The following ZNF469 variants were observed in gnomAD, a reference collection of about 807,000 sequenced individuals.
ZNF469 encodes zinc finger protein 469.
A neutral mutation model predicts 1.0 loss-of-function variants in ZNF469; 1 was observed. The observed-to-expected ratio is 1.00, with a 90% CI of 0.35 to 4.73. The LOEUF (loss-of-function observed/expected upper bound fraction) is 4.73. ZNF469 is among the 30% of genes most tolerant of loss of function. ZNF469 has a pLI of 0.16. For synonymous variants in ZNF469, 2,703 were observed against 2,363.4 expected (o/e 1.14, Z -4.17); for missense variants, 6,100 against 5,356.3 (o/e 1.14, Z -4.33).
At chr16:88,170,977 G>C in the ZNF469 span, among the ~76,000 whole-genome samples, 3 of 152,140 alleles carry the variant, frequency 2.0e-5, no homozygotes, top group Non-Finnish European at 2.9e-5. The surrounding 1 kb of genome is among the most constrained non-coding windows in gnomAD (Gnocchi z 4.2). Flanking sequence ...GCACAGGAGG[G>C]GAAGTGCATC....
Position 88,437,336 on chromosome 16 carries a change from A to G in ZNF469, c.9866A>G (p.Asp3289Gly). 6.5e-7 allele frequency: 1 copy of G among 1,545,838 alleles called. No individual in the cohort carries two copies. The highest frequency in any genetic ancestry group is 8.7e-7 in the Non-Finnish European group (1 of 1,144,842). Reference sequence around the variant, plus strand: ...AACCCAGACGGGGCCGCGACCCCAGACAGCGCCTCTGCCACCGCCCTGGCT... The same window carrying G: ...AACCCAGACGGGGCCGCGACCCCAGGCAGCGCCTCTGCCACCGCCCTGGCT... ...PSNPDGAATP[D>G]SASATALADA... Residue 3289 changes from aspartate to glycine, a missense_variant, in exon 3 of 3, where the codon GAC becomes GGC. By Grantham distance (94) the Asp-to-Gly change is moderately conservative (BLOSUM62 -1). Transcript: ENST00000565624.
the ZNF469 span, among the ~76,000 whole-genome samples, chr16:88,123,142 C>G: frequency 6.6e-6 from 1 of 152,152 alleles, no homozygotes; most frequent in Non-Finnish European, 1.5e-5. Flanking sequence ...AGCACCATCC[C>G]GAGACTACCC....
chr16:88,145,973 A>G, the ZNF469 span, among the ~76,000 whole-genome samples: 2 of 152,350 alleles, frequency 1.3e-5, no homozygotes, highest in East Asian at 1.9e-4. Context: ...CCGGCCTCGC[A>G]GTCCCGTGTT....
At chr16:88,155,666 C>T in the ZNF469 span, among the ~76,000 whole-genome samples, 1 of 152,196 alleles carries the variant, frequency 6.6e-6, no homozygotes, top group Non-Finnish European at 1.5e-5. Flanking sequence ...AATCATATTC[C>T]ATGGTGTGGA....
At chr16:88,101,612 AG>A in the ZNF469 span, among the ~76,000 whole-genome samples, 2 of 150,912 alleles carry the variant, frequency 1.3e-5, no homozygotes, top group Non-Finnish European at 2.9e-5. Context: ...CCGGCCACCC[AG>A]GGGCAGGACG....
At chr16:88,237,198 CTGTG>C in the ZNF469 span, among the ~76,000 whole-genome samples, 28 of 54,602 alleles carry the variant, frequency 5.1e-4, 3 homozygotes, top group Admixed American at 9.3e-4. Context: ...TCCCTGCCCT[CTGTG>C]CTCCTGCCAG....
At position 88,428,512 on chromosome 16, in the gene ZNF469, C is replaced by T; in HGVS notation, c.1042C>T (p.His348Tyr). Residue 348 changes from histidine to tyrosine, a missense_variant, in exon 3 of 3, where the codon CAC becomes TAC. Physicochemically the swap from His to Tyr is moderately conservative, Grantham distance 83. Coordinates refer to ENST00000565624, the MANE Select transcript of ZNF469 (RefSeq NM_001367624.2). ...GGGCCAGCCAGGTGGCCTGAACCGC[C>T]ACAGCGACCTCAGTGGTGCCCTCTC... ...YQGQPGGLNRHSDLSGALSSP... is the reference protein window; with the variant it reads ...YQGQPGGLNRYSDLSGALSSP... 6.5e-7 allele frequency: 1 copy of T among 1,549,904 alleles called. No individual in the cohort carries two copies. Among genetic ancestry groups the T allele is most frequent in the Non-Finnish European group, 8.7e-7 (1 of 1,146,818 alleles).
the ZNF469 span, among the ~76,000 whole-genome samples, chr16:88,228,346 A>C: frequency 6.6e-6 from 1 of 152,240 alleles, no homozygotes; most frequent in African/African-American, 2.4e-5. Context: ...GGCGCCTGGC[A>C]TGGGCGCTGG....
chr16:88,189,982 A>G, the ZNF469 span, among the ~76,000 whole-genome samples: 1 of 152,200 alleles, frequency 6.6e-6, no homozygotes, highest in Non-Finnish European at 1.5e-5. The surrounding 1 kb of genome is among the most constrained non-coding windows in gnomAD (Gnocchi z 4.3). Context: ...GACTCTGGGG[A>G]ACTTTCAAGA....
chr16:88,248,407 A>T, the ZNF469 span, among the ~76,000 whole-genome samples: 1 of 152,040 alleles, frequency 6.6e-6, no homozygotes, highest in African/African-American at 2.4e-5. Context: ...GAGTTGCAAC[A>T]CTCTCTAAAA....
chr16:88,230,805 C>T, the ZNF469 span, among the ~76,000 whole-genome samples: 220 of 152,316 alleles, frequency 1.4e-3, 2 homozygotes, highest in South Asian at 1.9e-3. Flanking sequence ...GCTGCTGAAG[C>T]GGCTGCTCCC....
the ZNF469 span, among the ~76,000 whole-genome samples, chr16:88,247,480 A>ATGAATCAG: frequency 2.3e-5 from 3 of 132,280 alleles, no homozygotes; most frequent in Admixed American, 7.7e-5. Flanking sequence ...GAGTGAGTGA[A>ATGAATCAG]TGAGTGAATG....
the ZNF469 span, among the ~76,000 whole-genome samples, chr16:88,164,310 C>T: frequency 2.1e-4 from 31 of 149,338 alleles, no homozygotes; most frequent in East Asian, 5.7e-3. Context: ...TGGATGGATG[C>T]AGGGATGATA....
chr16:88,248,387 TTCTC>T, the ZNF469 span, among the ~76,000 whole-genome samples: 1 of 152,128 alleles, frequency 6.6e-6, no homozygotes, highest in African/African-American at 2.4e-5. Flanking sequence ...TTGGTCCAGT[TTCTC>T]TCTCAGAGTT....
At chr16:88,256,039 G>T in the ZNF469 span, among the ~76,000 whole-genome samples, 1 of 152,196 alleles carries the variant, frequency 6.6e-6, no homozygotes, top group East Asian at 1.9e-4. Flanking sequence ...CTTTAAAACG[G>T]TGGTACTTGT....
At chr16:88,119,373 G>A in the ZNF469 span, among the ~76,000 whole-genome samples, 2 of 152,218 alleles carry the variant, frequency 1.3e-5, no homozygotes, top group African/African-American at 4.8e-5. Context: ...AGCCTGTGGT[G>A]CACGTGCGGG....
At chr16:88,167,053 C>CTTTTTTTTTTT in the ZNF469 span, among the ~76,000 whole-genome samples, 1 of 82,840 alleles carries the variant, frequency 1.2e-5, no homozygotes, top group Non-Finnish European at 2.1e-5. Context: ...CAGGCTTATT[C>CTTTTTTTTTTT]TTTTTTTTTT....
At chr16:88,169,401 C>G in the ZNF469 span, among the ~76,000 whole-genome samples, 3 of 152,172 alleles carry the variant, frequency 2.0e-5, no homozygotes, top group Non-Finnish European at 4.4e-5. This position sits in a 1 kb window ranked among gnomAD's most constrained non-coding sequence, Gnocchi z 6.1. Flanking sequence ...TTCCCCTGCG[C>G]CAGCCCCTGG....
the ZNF469 span, among the ~76,000 whole-genome samples, chr16:88,123,270 C>T: frequency 6.6e-6 from 1 of 152,128 alleles, no homozygotes; most frequent in African/African-American, 2.4e-5. Context: ...CATGCACTGG[C>T]TGTGTGTCTG....
Sources: gnomAD v4.1 joint callset for allele counts (sites outside exome capture counted in the v4.1 genomes callset) on GRCh38, gnomAD v4.1.1 for gene constraint, Gnocchi (gnomAD v3.1) non-coding constraint, MANE v1.5 for transcripts, NCBI Gene and HGNC (gene_info 2026-07-23, HGNC 2026-07-21) for gene names.